The following KLHL29 variants were observed in gnomAD, a reference collection of about 807,000 sequenced individuals.
The protein encoded by KLHL29 is kelch like family member 29.
KLHL29 carries 21 observed loss-of-function variants against 80.4 expected under a neutral mutation model. The observed-to-expected ratio is 0.26, with a 90% CI of 0.19 to 0.38. The LOEUF (loss-of-function observed/expected upper bound fraction) is 0.38. Among genes scored for constraint, KLHL29 ranks in the 10% least tolerant of loss-of-function variants. The probability of loss-of-function intolerance (pLI) is 1.00; values close to 1 mark genes in which losing one functional copy is unlikely to be tolerated. For synonymous variants in KLHL29, 511 were observed against 526.8 expected (o/e 0.97, Z 0.41); for missense variants, 867 against 1,223.9 (o/e 0.71, Z 4.35).
At chr2:23,480,326 T>A (rs1156749623) in intron 2 of KLHL29, among the ~76,000 whole-genome samples, 2 of 151,928 alleles carry the variant, frequency 1.3e-5, no homozygotes, top group Non-Finnish European at 2.9e-5. Context: ...ATCTCTACTA[T>A]AAATAAAAAA....
Position 23,502,287 on chromosome 2 carries a change from C to T in KLHL29, c.-46+26620C>T, listed in dbSNP as rs373085419. Among the ~76,000 whole-genome samples, 127 of 152,300 alleles carry T rather than the reference C, an allele frequency of 8.3e-4. 3 individuals are homozygous for T. In the South Asian group the frequency reaches 0.025, roughly 29 times the overall value. ...GACTCCAGATTAGAGGGAGAGAGAG[C>T]GAGAGAGAGGCCTACTCATCGGTCT... On this transcript the variant is annotated intron_variant, in intron 2 of 13. Transcript: ENST00000486442.
intron 1 of KLHL29, among the ~76,000 whole-genome samples, chr2:23,403,822 C>G (rs1666656735): frequency 6.6e-6 from 1 of 151,394 alleles, no homozygotes; most frequent in Admixed American, 6.6e-5. Flanking sequence ...ATGCCTCTCC[C>G]AGAAAAAGAG....
chr2:23,698,282 A>G (rs1048890357), intron 11 of KLHL29, among the ~76,000 whole-genome samples: 10 of 150,202 alleles, frequency 6.7e-5, no homozygotes, highest in African/African-American at 2.2e-4. Flanking sequence ...GAGTCTGCCA[A>G]CTGTCCTTGC....
chr2:23,394,065 C>A (rs1409861594), intron 1 of KLHL29, among the ~76,000 whole-genome samples: 1 of 152,214 alleles, frequency 6.6e-6, no homozygotes, highest in Non-Finnish European at 1.5e-5. Context: ...GCAAAGCATA[C>A]GCCAAAGGCT....
At chr2:23,642,931 G>A (rs1162001973) in intron 5 of KLHL29, 81 bp downstream of exon 5, 3 of 1,495,866 alleles carry the variant, frequency 2.0e-6, no homozygotes, top group Admixed American at 2.0e-5. Context: ...ACCGGGACAG[G>A]GGGTGCTTCA....
At chr2:23,597,314 T>C (rs1437913312) in intron 3 of KLHL29, among the ~76,000 whole-genome samples, 1 of 129,350 alleles carries the variant, frequency 7.7e-6, no homozygotes, top group Admixed American at 7.7e-5. Context: ...TATATATGTG[T>C]GTGTGTGTGT....
At chr2:23,624,889 T>C (rs1249837197) in intron 3 of KLHL29, among the ~76,000 whole-genome samples, 1 of 152,212 alleles carries the variant, frequency 6.6e-6, no homozygotes, top group Non-Finnish European at 1.5e-5. Flanking sequence ...CTTGTTGAAA[T>C]CAGCCTTTCA....
At chr2:23,543,236 G>A (rs551508647) in intron 2 of KLHL29, among the ~76,000 whole-genome samples, 35 of 152,222 alleles carry the variant, frequency 2.3e-4, no homozygotes, top group African/African-American at 7.7e-4. Flanking sequence ...TGCACATGTC[G>A]GCAAGAACTC....
chr2:23,523,895 G>A (rs1020373351), intron 2 of KLHL29: 2 of 440,744 alleles, frequency 4.5e-6, no homozygotes, highest in Admixed American at 5.0e-5. Flanking sequence ...GACTTGGCAC[G>A]CTTCTACAAT....
chr2:23,507,164 C>G (rs377602812), intron 2 of KLHL29: 6 of 407,000 alleles, frequency 1.5e-5, no homozygotes, highest in African/African-American at 1.2e-4. Context: ...CGCTCACTCC[C>G]GTGCATGCCA....
chr2:23,701,959 T>C (rs943829266), intron 11 of KLHL29, among the ~76,000 whole-genome samples: 51 of 149,652 alleles, frequency 3.4e-4, no homozygotes, highest in Non-Finnish European at 3.7e-4. Flanking sequence ...ATTACAGGCA[T>C]GTGCCACCAT....
chr2:23,502,917 A>G (rs1279911157), intron 2 of KLHL29, among the ~76,000 whole-genome samples: 2 of 152,192 alleles, frequency 1.3e-5, no homozygotes, highest in Non-Finnish European at 2.9e-5. Context: ...TGGCTTGGTT[A>G]CTAAAATTCT....
rs150131401 is a variant in KLHL29 at position 23,670,917 on chromosome 2, G to GCGCGCACACT, written c.941-13481_941-13480insGCGCACACTC. 2.7e-4 allele frequency among the ~76,000 whole-genome samples: 5 copies of GCGCGCACACT among 18,534 alleles called. 1 individual carries two copies. The highest frequency in any genetic ancestry group is 8.0e-4 in the African/African-American group (5 of 6,216). 12.2% of individuals were successfully genotyped at this position (18,534 alleles called of 152,430 possible). A position where few individuals can be genotyped will look rare whatever the true frequency, so the allele number is the denominator to read the frequency against. On this transcript the variant is annotated intron_variant, in intron 5 of 13. Transcript: ENST00000486442. ...GAGGGGTCTCTACACACATGCACGCGCTCTCTCTCTCTCTCTCTCTCTCTC... is the reference window on the plus strand; with the variant it reads ...GAGGGGTCTCTACACACATGCACGCGCGCGCACACTCTCTCTCTCTCTCTCTCTCTCTCTC...
chr2:23,631,668 T>C (rs554302275), intron 3 of KLHL29, among the ~76,000 whole-genome samples: 1 of 152,334 alleles, frequency 6.6e-6, no homozygotes, highest in African/African-American at 2.4e-5. Context: ...TCTTCTCATT[T>C]GTAGTTCAGT....
At chr2:23,588,956 C>T (rs560846017) in intron 3 of KLHL29, among the ~76,000 whole-genome samples, 12 of 152,376 alleles carry the variant, frequency 7.9e-5, no homozygotes, top group South Asian at 2.1e-4. Context: ...CCGGGCCTCC[C>T]GGCCACATCC....
At chr2:23,589,470 C>T (rs954549914) in intron 3 of KLHL29, among the ~76,000 whole-genome samples, 10 of 152,216 alleles carry the variant, frequency 6.6e-5, no homozygotes, top group African/African-American at 1.4e-4. Flanking sequence ...CCCGGAATCC[C>T]GCCACCCACC....
chr2:23,507,018 A>C (rs1237539190), intron 2 of KLHL29: 1 of 358,536 alleles, frequency 2.8e-6, no homozygotes, highest in Admixed American at 3.0e-5. Flanking sequence ...TTTTTATAGA[A>C]TGCAGAAAAG....
chr2:23,703,988 C>T (rs1672556907), intron 13 of KLHL29, 125 bp downstream of exon 13: 1 of 1,117,570 alleles, frequency 8.9e-7, no homozygotes, highest in African/African-American at 1.6e-5. Context: ...GTGGCCCTCC[C>T]CCTCCAACCA....
chr2:23,506,941 T>G, intron 2 of KLHL29: 1 of 203,700 alleles, frequency 4.9e-6, no homozygotes. Flanking sequence ...CAGAGTGAGA[T>G]TTGGGAAAGG....
Sources: gnomAD v4.1 joint callset for allele counts (sites outside exome capture counted in the v4.1 genomes callset) on GRCh38, gnomAD v4.1.1 for gene constraint, MANE v1.5 for transcripts, NCBI Gene and HGNC (gene_info 2026-07-23, HGNC 2026-07-21) for gene names.